The following XPO1 variants were observed in gnomAD, a reference collection of about 807,000 sequenced individuals.
XPO1 encodes the protein exportin 1, also known as exportin-1.
In XPO1, 5 loss-of-function variants were observed where a neutral mutation model predicts 133.3. The observed-to-expected ratio is 0.04, with a 90% CI of 0.02 to 0.08. The LOEUF (loss-of-function observed/expected upper bound fraction) is 0.08, where lower values mean the gene tolerates loss of function less well. Among genes scored for constraint, XPO1 ranks in the 10% least tolerant of loss-of-function variants. The probability of loss-of-function intolerance (pLI) is 1.00; values close to 1 mark genes in which losing one functional copy is unlikely to be tolerated. For missense variants in XPO1, 506 were observed against 1,267.5 expected (o/e 0.40, Z 9.12); for synonymous variants, 419 against 408.2 (o/e 1.03, Z -0.32).
chr2:61,507,243 CAA>C (rs55737388), intron 4 of XPO1, among the ~76,000 whole-genome samples: 33 of 65,490 alleles, frequency 5.0e-4, no homozygotes, highest in Middle Eastern at 0.012. Flanking sequence ...GACTCCATCT[CAA>C]AAAAAAAAAA....
intron 2 of XPO1, among the ~76,000 whole-genome samples, chr2:61,527,148 C>T (rs758231588): frequency 9.9e-5 from 15 of 151,998 alleles, no homozygotes; most frequent in Non-Finnish European, 1.9e-4. Flanking sequence ...AAGTTCTCAG[C>T]ACTTAAATCA....
chr2:61,502,203 T>A (rs749622774), intron 5 of XPO1, 46 bp downstream of exon 5: 1 of 1,594,688 alleles, frequency 6.3e-7, no homozygotes, highest in East Asian at 2.2e-5. Context: ...ACTCAATATC[T>A]AAATGATTTT....
In XPO1 at chr2:61,495,411, T is replaced by C. The variant is rs1465719816; in HGVS notation, c.1047+44A>G. The C allele has an allele frequency of 5.5e-6, 8 of 1,464,394 alleles. No homozygotes were observed. In the East Asian group the frequency reaches 1.9e-4, roughly 35 times the overall value. The allele number at this position is 1,464,394 out of a possible 1,614,324, so 90.7% of individuals were successfully genotyped here. On this transcript the variant is annotated intron_variant, in intron 11 of 24. Transcript: ENST00000401558. ...AAAAGGCACTTTTAAGAGTTATTAG[T>C]AGGCAGAGCAGAATTTTAGGAGCAA...
intron 9 of XPO1, among the ~76,000 whole-genome samples, chr2:61,497,372 C>T (rs997939798): frequency 2.6e-5 from 4 of 152,030 alleles, no homozygotes; most frequent in African/African-American, 7.2e-5. Context: ...CCACCACGCC[C>T]GGCTAATTTT....
chr2:61,503,590 A>AT (rs1248549915), intron 4 of XPO1, among the ~76,000 whole-genome samples: 5 of 151,806 alleles, frequency 3.3e-5, no homozygotes, highest in African/African-American at 1.2e-4. Context: ...ATGCTCGGCT[A>AT]TTTTTTTGTA....
chr2:61,511,687 C>G (rs1698103754), intron 4 of XPO1, among the ~76,000 whole-genome samples: 1 of 152,136 alleles, frequency 6.6e-6, no homozygotes, highest in African/African-American at 2.4e-5. Context: ...GCCTCAATCA[C>G]TGTGCCTGGC....
At position 61,517,712 on chromosome 2, in the gene XPO1, A is replaced by G. The variant is rs534528893; in HGVS notation, c.301+4899T>C. Among the ~76,000 whole-genome samples the G allele has an allele frequency of 2.0e-5, 3 of 152,270 alleles. No individual in the cohort carries two copies. The East Asian group carries it at 5.8e-4, about 29-fold the overall frequency. ...CAATTTGGGACGGCAAAGTAGGAAG[A>G]CTGCTTTAAACCCAGGAGTTTAAAA... On this transcript the variant is annotated intron_variant, in intron 4 of 24. Transcript: ENST00000401558.
chr2:61,486,054 A>T, intron 19 of XPO1, 92 bp from the exon 20 acceptor site: 1 of 1,183,874 alleles, frequency 8.4e-7, no homozygotes. Context: ...GAGATGTAGC[A>T]TGATCATCTA....
intron 17 of XPO1, among the ~76,000 whole-genome samples, chr2:61,489,781 CCT>C (rs1411520073): frequency 3.9e-5 from 6 of 152,008 alleles, no homozygotes; most frequent in African/African-American, 1.4e-4. Context: ...GTCTCGATCC[CCT>C]GACCTGGTGA....
At chr2:61,481,150 C>T in intron 24 of XPO1, 35 bp downstream of exon 24, 1 of 1,439,156 alleles carries the variant, frequency 6.9e-7, no homozygotes, top group Non-Finnish European at 9.6e-7. Flanking sequence ...TCACATCTAC[C>T]CCTAATATTT....
chr2:61,524,454 C>A (rs1306117100), intron 3 of XPO1, among the ~76,000 whole-genome samples: 1 of 152,106 alleles, frequency 6.6e-6, no homozygotes, highest in Non-Finnish European at 1.5e-5. Context: ...GATGAAGATA[C>A]AATTCATATT....
intron 18 of XPO1, 88 bp from the exon 19 acceptor site, chr2:61,488,359 C>G (rs1696795899): frequency 7.3e-7 from 1 of 1,363,204 alleles, no homozygotes; most frequent in Non-Finnish European, 1.0e-6. Context: ...TTCCATTTTA[C>G]CATTAAAAAG....
chr2:61,510,717 G>A (rs551101002), intron 4 of XPO1, among the ~76,000 whole-genome samples: 3 of 152,064 alleles, frequency 2.0e-5, no homozygotes, highest in South Asian at 4.2e-4. Flanking sequence ...GCAGAGGATC[G>A]CTTGAGCCCA....
At chr2:61,490,447 C>T (rs1696924753) in intron 17 of XPO1, among the ~76,000 whole-genome samples, 195 bp downstream of exon 17, 1 of 151,112 alleles carries the variant, frequency 6.6e-6, no homozygotes, top group Non-Finnish European at 1.5e-5. Context: ...GATCCGCCCG[C>T]CTCGGCCTTC....
chr2:61,509,973 A>G (rs1392215309), intron 4 of XPO1, among the ~76,000 whole-genome samples: 4 of 152,192 alleles, frequency 2.6e-5, no homozygotes, highest in Non-Finnish European at 5.9e-5. Context: ...TATTACAAGT[A>G]TCAGTCCATG....
intron 4 of XPO1, among the ~76,000 whole-genome samples, chr2:61,509,902 A>G (rs1438769053): frequency 2.0e-5 from 3 of 152,226 alleles, no homozygotes; most frequent in African/African-American, 7.2e-5. Flanking sequence ...TTTATTCCAT[A>G]AGCTAAAAAA....
intron 4 of XPO1, among the ~76,000 whole-genome samples, chr2:61,515,069 T>TA (rs10638897): frequency 0.016 from 2,088 of 127,370 alleles, 39 homozygotes; most frequent in Middle Eastern, 0.028. Flanking sequence ...GTGACTGTCT[T>TA]AAAAAAAAAA....
In XPO1 at chr2:61,518,830, T is replaced by C. The variant is rs531906304; in HGVS notation, c.301+3781A>G. On this transcript the variant is annotated intron_variant, in intron 4 of 24. Coordinates refer to ENST00000401558, the MANE Select transcript of XPO1 (RefSeq NM_003400.4). ...AGCTAAATGAAAATCCAGAGAAATG[T>C]AATAAATTTTATATAACAAATCTCA... Among the ~76,000 whole-genome samples the C allele has an allele frequency of 4.1e-4, 63 of 152,342 alleles. 1 individual carries two copies. The highest frequency in any genetic ancestry group is 1.5e-3 in the African/African-American group (61 of 41,584).
chr2:61,483,813 G>T, intron 21 of XPO1, 124 bp downstream of exon 21: 2 of 1,095,582 alleles, frequency 1.8e-6, no homozygotes, highest in East Asian at 2.6e-5. Flanking sequence ...GATTTTCTCA[G>T]ATGTTCATAT....
Sources: gnomAD v4.1 joint callset for allele counts (sites outside exome capture counted in the v4.1 genomes callset) on GRCh38, gnomAD v4.1.1 for gene constraint, MANE v1.5 for transcripts, NCBI Gene and HGNC (gene_info 2026-07-23, HGNC 2026-07-21) for gene names.